Variants in BMPER observed in about 807,000 individuals in gnomAD.
The protein encoded by BMPER is BMP binding endothelial regulator.
Under a neutral mutation model 87.3 loss-of-function variants are expected in BMPER, and 45 were observed. The ratio of observed to expected loss-of-function variants is 0.52; its 90% confidence interval spans 0.41 to 0.66. The LOEUF is 0.66. Ranked by LOEUF, BMPER falls within the 30% of genes least tolerant of loss-of-function variation. The pLI is 0.00. For synonymous variants in BMPER, 326 were observed against 316.2 expected (o/e 1.03, Z -0.33); for missense variants, 784 against 867.5 (o/e 0.90, Z 1.21).
chr7:33,958,874 T>A (rs1464960190), intron 3 of BMPER, among the ~76,000 whole-genome samples: 1 of 152,162 alleles, frequency 6.6e-6, no homozygotes, highest in Non-Finnish European at 1.5e-5. Context: ...ATTGTGATAA[T>A]CCCCATGTGT....
chr7:34,125,666 A>G (rs2127990337), intron 13 of BMPER, among the ~76,000 whole-genome samples: 1 of 152,342 alleles, frequency 6.6e-6, no homozygotes, highest in Non-Finnish European at 1.5e-5. Flanking sequence ...CCAGCATGAC[A>G]GAGAGAAATA....
intron 9 of BMPER, among the ~76,000 whole-genome samples, chr7:34,055,616 A>G (rs1788264263): frequency 6.6e-6 from 1 of 152,206 alleles, no homozygotes; most frequent in Admixed American, 6.5e-5. Flanking sequence ...GGAGATGCTC[A>G]ATGACATTTG....
At chr7:34,021,355 T>G (rs1298500785) in intron 6 of BMPER, among the ~76,000 whole-genome samples, 1 of 152,098 alleles carries the variant, frequency 6.6e-6, no homozygotes, top group Non-Finnish European at 1.5e-5. Context: ...GATTTTAATC[T>G]GACTTACTGA....
At chr7:33,973,646 C>A (rs151247559) in intron 5 of BMPER, among the ~76,000 whole-genome samples, 3 of 152,336 alleles carry the variant, frequency 2.0e-5, no homozygotes, top group South Asian at 4.1e-4. Flanking sequence ...CTTTAGCTGG[C>A]AGGCCTTGAA....
chr7:33,913,352 G>T (rs1431125249), intron 2 of BMPER, among the ~76,000 whole-genome samples: 1 of 152,170 alleles, frequency 6.6e-6, no homozygotes, highest in East Asian at 1.9e-4. Flanking sequence ...TCATGTAACT[G>T]GGAGAAGCCA....
chr7:33,995,310 A>G (rs1786375695), intron 6 of BMPER, among the ~76,000 whole-genome samples: 1 of 152,150 alleles, frequency 6.6e-6, no homozygotes, highest in Admixed American at 6.5e-5. Context: ...TTTGGAGGAC[A>G]TGAACTTCTT....
intron 2 of BMPER, among the ~76,000 whole-genome samples, chr7:33,922,430 G>A (rs1042401644): frequency 2.6e-5 from 4 of 152,118 alleles, no homozygotes; most frequent in Non-Finnish European, 5.9e-5. Context: ...CCTCCTCCAC[G>A]CAGCATGGCA....
At position 34,153,636 on chromosome 7, in the gene BMPER, C is replaced by T. The variant is rs906500415; in HGVS notation, c.*363C>T. 1 of 190,262 alleles carries T rather than the reference C, an allele frequency of 5.3e-6. No individual in the cohort carries two copies. The highest frequency in any genetic ancestry group is 2.4e-5 in the African/African-American group (1 of 42,138). 11.8% of individuals were successfully genotyped at this position (190,262 alleles called of 1,614,324 possible). A position where few individuals can be genotyped will look rare whatever the true frequency, so the allele number is the denominator to read the frequency against. The stretch of plus-strand genomic sequence containing the variant: ...CATTTTTAAGGAAGTTTTCTAAGAG[C>T]CCTCAATTGCCTGCCTGTATTAATT... On this transcript the variant is annotated 3_prime_UTR_variant, in exon 15 of 15. Transcript: ENST00000649409.
intron 11 of BMPER, among the ~76,000 whole-genome samples, chr7:34,071,198 A>G (rs1365984298): frequency 1.3e-5 from 2 of 152,232 alleles, no homozygotes; most frequent in Non-Finnish European, 2.9e-5. Flanking sequence ...TAAGTTCATT[A>G]CAGTCTTACT....
At chr7:34,019,478 A>C (rs1368491884) in intron 6 of BMPER, among the ~76,000 whole-genome samples, 1 of 151,962 alleles carries the variant, frequency 6.6e-6, no homozygotes, top group African/African-American at 2.4e-5. Context: ...TATACGCCCA[A>C]CCTCAATACA....
chr7:34,131,633 A>G (rs991972773), intron 13 of BMPER, among the ~76,000 whole-genome samples: 3 of 152,082 alleles, frequency 2.0e-5, no homozygotes, highest in African/African-American at 7.2e-5. Flanking sequence ...TCCAGATGCT[A>G]GAGGCCTTCA....
intron 11 of BMPER, among the ~76,000 whole-genome samples, chr7:34,066,794 A>G (rs369234249): frequency 2.0e-5 from 3 of 152,176 alleles, no homozygotes; most frequent in African/African-American, 7.2e-5. Context: ...ACTAATAAGA[A>G]AGGTGCATGT....
At chr7:33,992,625 T>G (rs1410617596) in intron 6 of BMPER, among the ~76,000 whole-genome samples, 3 of 149,252 alleles carry the variant, frequency 2.0e-5, no homozygotes, top group African/African-American at 7.4e-5. Flanking sequence ...ACATTTAAAG[T>G]TAATAGTGTT....
At chr7:34,033,178 T>G (rs1399629969) in intron 6 of BMPER, among the ~76,000 whole-genome samples, 3 of 152,174 alleles carry the variant, frequency 2.0e-5, no homozygotes, top group Admixed American at 2.0e-4. Context: ...CCATAAACAC[T>G]TATCAGGTAG....
At chr7:34,107,317 A>C (rs1049130080) in intron 13 of BMPER, among the ~76,000 whole-genome samples, 68 of 152,224 alleles carry the variant, frequency 4.5e-4, no homozygotes, top group African/African-American at 1.6e-3. Context: ...GCAACTCAGC[A>C]CAGAGCATCT....
At chr7:33,933,121 C>G (rs1420429092) in intron 2 of BMPER, among the ~76,000 whole-genome samples, 3 of 152,178 alleles carry the variant, frequency 2.0e-5, no homozygotes, top group African/African-American at 7.2e-5. Flanking sequence ...GCGGCGGGAG[C>G]TGTGGTTTGG....
intron 13 of BMPER, among the ~76,000 whole-genome samples, chr7:34,089,699 A>C (rs1011767886): frequency 6.6e-6 from 1 of 151,960 alleles, no homozygotes; most frequent in Admixed American, 6.6e-5. Flanking sequence ...GGCCAGGCTG[A>C]TCTCGAATTC....
At chr7:34,121,821 C>T (rs1790269806) in intron 13 of BMPER, among the ~76,000 whole-genome samples, 1 of 152,030 alleles carries the variant, frequency 6.6e-6, no homozygotes, top group South Asian at 2.1e-4. Context: ...TGTGAAGTAC[C>T]AAAGAAATAC....
intron 6 of BMPER, among the ~76,000 whole-genome samples, chr7:34,008,146 A>G (rs1424274070): frequency 6.6e-6 from 1 of 152,068 alleles, no homozygotes; most frequent in Non-Finnish European, 1.5e-5. Context: ...AAAATATAAC[A>G]ATCAAAATGA....
Sources: gnomAD v4.1 joint callset for allele counts (sites outside exome capture counted in the v4.1 genomes callset) on GRCh38, gnomAD v4.1.1 for gene constraint, MANE v1.5 for transcripts, NCBI Gene and HGNC (gene_info 2026-07-23, HGNC 2026-07-21) for gene names.